Variants in SKAP2 observed in about 807,000 individuals in gnomAD.
The protein encoded by SKAP2 is src kinase associated phosphoprotein 2.
SKAP2 carries 28 observed loss-of-function variants against 54.9 expected under a neutral mutation model. That is an observed-to-expected ratio of 0.51 (90% CI 0.38 to 0.70). The LOEUF (loss-of-function observed/expected upper bound fraction) is 0.70. Ranked by LOEUF, SKAP2 falls within the 30% of genes least tolerant of loss-of-function variation. The probability of loss-of-function intolerance (pLI) is 0.00; values close to 1 mark genes in which losing one functional copy is unlikely to be tolerated. For synonymous variants in SKAP2, 137 were observed against 134.3 expected (o/e 1.02, Z -0.14); for missense variants, 356 against 424.1 (o/e 0.84, Z 1.41).
chr7:26,763,783 C>G (rs1782984291), intron 4 of SKAP2, among the ~76,000 whole-genome samples: 1 of 149,380 alleles, frequency 6.7e-6, no homozygotes, highest in South Asian at 2.1e-4. Context: ...CTACTACACA[C>G]CTAGGCAATA....
chr7:26,833,494 A>T (rs1784640771), intron 4 of SKAP2, among the ~76,000 whole-genome samples: 1 of 152,140 alleles, frequency 6.6e-6, no homozygotes, highest in East Asian at 1.9e-4. Context: ...GTGCAAAGAC[A>T]TACAAAGGGT....
At chr7:26,732,877 G>A (rs940638620) in intron 6 of SKAP2, among the ~76,000 whole-genome samples, 1 of 152,150 alleles carries the variant, frequency 6.6e-6, no homozygotes, top group African/African-American at 2.4e-5. Context: ...AACTTGGTTT[G>A]TACCTGACTA....
chr7:26,778,838 C>T (rs943387486), intron 4 of SKAP2, among the ~76,000 whole-genome samples: 1 of 151,392 alleles, frequency 6.6e-6, no homozygotes, highest in Admixed American at 6.6e-5. Flanking sequence ...AAATTTATTT[C>T]CTCTCCAATA....
intron 4 of SKAP2, among the ~76,000 whole-genome samples, chr7:26,810,617 G>C (rs977005022): frequency 1.3e-5 from 2 of 152,122 alleles, no homozygotes; most frequent in Admixed American, 1.3e-4. Flanking sequence ...ACTTGATTTA[G>C]CCATTCTAAA....
At chr7:26,763,745 G>A (rs914921973) in intron 4 of SKAP2, among the ~76,000 whole-genome samples, 27 of 152,000 alleles carry the variant, frequency 1.8e-4, no homozygotes, top group Admixed American at 1.1e-3. Flanking sequence ...ATCATGACAC[G>A]TACTTACACA....
chr7:26,833,095 C>T (rs1784629278), intron 4 of SKAP2, among the ~76,000 whole-genome samples: 2 of 152,010 alleles, frequency 1.3e-5, no homozygotes, highest in Non-Finnish European at 2.9e-5. Context: ...TCCCTACCAC[C>T]CCAGCACCAA....
intron 4 of SKAP2, among the ~76,000 whole-genome samples, chr7:26,764,382 C>T (rs1474405819): frequency 6.6e-6 from 1 of 152,178 alleles, no homozygotes; most frequent in African/African-American, 2.4e-5. Flanking sequence ...GAACCGTAAA[C>T]TTCGTGTGCG....
At chr7:26,799,794 T>G (rs184502093) in intron 4 of SKAP2, among the ~76,000 whole-genome samples, 2 of 152,186 alleles carry the variant, frequency 1.3e-5, no homozygotes, top group African/African-American at 4.8e-5. Flanking sequence ...TTCTCAAGAA[T>G]AGACCATATG....
intron 4 of SKAP2, among the ~76,000 whole-genome samples, chr7:26,816,088 T>C (rs1052199388): frequency 1.3e-5 from 2 of 152,138 alleles, no homozygotes; most frequent in African/African-American, 4.8e-5. Context: ...GCTAAATAAC[T>C]GACTTAACAC....
At chr7:26,705,468 C>T (rs1207138096) in intron 9 of SKAP2, among the ~76,000 whole-genome samples, 1 of 152,138 alleles carries the variant, frequency 6.6e-6, no homozygotes, top group Non-Finnish European at 1.5e-5. Context: ...GAACAGTCTA[C>T]TTAAGAGCAT....
At chr7:26,699,959 AT>A (rs1324659169) in intron 9 of SKAP2, among the ~76,000 whole-genome samples, 1 of 152,020 alleles carries the variant, frequency 6.6e-6, no homozygotes, top group Non-Finnish European at 1.5e-5. Flanking sequence ...TGTTTTTCCC[AT>A]TTTCTGTGAA....
At chr7:26,819,359 T>C (rs1413025763) in intron 4 of SKAP2, among the ~76,000 whole-genome samples, 4 of 151,258 alleles carry the variant, frequency 2.6e-5, no homozygotes, top group Admixed American at 2.0e-4. Flanking sequence ...TAAGTAGGAG[T>C]TGAACAATGA....
At chr7:26,771,925 T>C (rs370737797) in intron 4 of SKAP2, among the ~76,000 whole-genome samples, 114 of 152,340 alleles carry the variant, frequency 7.5e-4, no homozygotes, top group Admixed American at 2.1e-3. Flanking sequence ...GGGCACAAAC[T>C]ATCTGAGGGC....
At chr7:26,781,514 TCAACTTTGCAACAA>T in intron 4 of SKAP2, among the ~76,000 whole-genome samples, 1 of 152,158 alleles carries the variant, frequency 6.6e-6, no homozygotes, top group Non-Finnish European at 1.5e-5. Flanking sequence ...AGCTGATGAG[TCAACTTTGCAACAA>T]ATCCTTAGTT....
At chr7:26,850,299 G>A (rs1785011822) in intron 3 of SKAP2, among the ~76,000 whole-genome samples, 2 of 152,012 alleles carry the variant, frequency 1.3e-5, no homozygotes, top group African/African-American at 4.8e-5. Flanking sequence ...TATTCTGTCG[G>A]CCGAGCATGG....
intron 9 of SKAP2, among the ~76,000 whole-genome samples, chr7:26,704,453 T>C (rs969408029): frequency 2.0e-5 from 3 of 152,188 alleles, no homozygotes; most frequent in Admixed American, 6.5e-5. Context: ...CAGTAAGACA[T>C]GAAAAATACA....
intron 9 of SKAP2, among the ~76,000 whole-genome samples, chr7:26,696,560 G>C (rs1786898935): frequency 6.6e-6 from 1 of 152,122 alleles, no homozygotes; most frequent in South Asian, 2.1e-4. Flanking sequence ...ATTACCTTAG[G>C]AACTGGGAGT....
At chr7:26,824,333 T>C (rs548024545) in intron 4 of SKAP2, among the ~76,000 whole-genome samples, 1 of 152,184 alleles carries the variant, frequency 6.6e-6, no homozygotes, top group African/African-American at 2.4e-5. Context: ...GGAGGTAATA[T>C]AGTAGTAAGG....
chr7:26,684,981 G>A (rs867301412), intron 10 of SKAP2, 133 bp from the exon 11 acceptor site: 20 of 596,624 alleles, frequency 3.4e-5, no homozygotes, highest in African/African-American at 1.9e-4. Flanking sequence ...CTGAGTAAAC[G>A]AATACTTTAT....
Sources: allele counts gnomAD v4.1 joint callset (sites outside exome capture counted in the v4.1 genomes callset), GRCh38; gene constraint gnomAD v4.1.1; transcripts MANE v1.5; gene names NCBI Gene and HGNC (gene_info 2026-07-23, HGNC 2026-07-21).